Variants in FSTL4 observed in about 807,000 individuals in gnomAD.
The protein encoded by FSTL4 is follistatin-related protein 4.
Under a neutral mutation model 78.2 loss-of-function variants are expected in FSTL4, and 28 were observed. The ratio of observed to expected loss-of-function variants is 0.36; its 90% CI spans 0.27 to 0.49. The LOEUF (loss-of-function observed/expected upper bound fraction) is 0.49, where lower values mean the gene tolerates loss of function less well. Among genes scored for constraint, FSTL4 ranks in the 20% least tolerant of loss-of-function variants. FSTL4 has a pLI of 0.98. For missense variants in FSTL4, 922 were observed against 1,084.9 expected (o/e 0.85, Z 2.11); for synonymous variants, 422 against 440.5 (o/e 0.96, Z 0.53).
At chr5:133,422,724 GA>G in intron 3 of FSTL4, among the ~76,000 whole-genome samples, 1 of 152,296 alleles carries the variant, frequency 6.6e-6, no homozygotes. Context: ...AGAGTAAATA[GA>G]AAACAGTGTC....
chr5:133,454,688 G>A (rs1381081137), intron 3 of FSTL4, among the ~76,000 whole-genome samples: 8 of 152,324 alleles, frequency 5.3e-5, no homozygotes, highest in Non-Finnish European at 1.0e-4. Flanking sequence ...TGGCTGCCCC[G>A]CTCTGTGATA....
chr5:133,624,027 C>T, the FSTL4 span, among the ~76,000 whole-genome samples: 1 of 151,892 alleles, frequency 6.6e-6, no homozygotes, highest in Non-Finnish European at 1.5e-5. Context: ...ATTGTTCAGT[C>T]GTGGAAGACA....
chr5:133,774,950 T>C, the FSTL4 span, among the ~76,000 whole-genome samples: 340 of 152,000 alleles, frequency 2.2e-3, 3 homozygotes, highest in African/African-American at 7.7e-3. Context: ...TGCAATAGTC[T>C]AGAATGTATA....
intron 3 of FSTL4, among the ~76,000 whole-genome samples, chr5:133,478,400 C>CCT (rs1757962576): frequency 7.9e-5 from 12 of 152,188 alleles, no homozygotes; most frequent in Non-Finnish European, 1.6e-4. Context: ...ATAACCCACT[C>CCT]GGGTTCAGAC....
chr5:133,629,709 G>C, the FSTL4 span, among the ~76,000 whole-genome samples: 1 of 152,096 alleles, frequency 6.6e-6, no homozygotes, highest in African/African-American at 2.4e-5. Context: ...AAAATTTCAG[G>C]CCAATATCCC....
At chr5:133,751,256 T>C in the FSTL4 span, among the ~76,000 whole-genome samples, 1 of 152,202 alleles carries the variant, frequency 6.6e-6, no homozygotes, top group Non-Finnish European at 1.5e-5. Flanking sequence ...GGCCCTTGCT[T>C]CTCACTGAGA....
At chr5:133,478,389 C>T (rs992328302) in intron 3 of FSTL4, among the ~76,000 whole-genome samples, 4 of 152,234 alleles carry the variant, frequency 2.6e-5, no homozygotes, top group Non-Finnish European at 4.4e-5. Context: ...GGACTGCTTC[C>T]ATAACCCACT....
chr5:133,503,690 T>C (rs1758547134), intron 3 of FSTL4, among the ~76,000 whole-genome samples: 1 of 152,160 alleles, frequency 6.6e-6, no homozygotes. Context: ...CTCCCAAATC[T>C]CCATATTCAG....
intron 4 of FSTL4, among the ~76,000 whole-genome samples, chr5:133,375,495 T>G (rs1755414333): frequency 6.6e-6 from 1 of 151,888 alleles, no homozygotes; most frequent in African/African-American, 2.4e-5. Flanking sequence ...TAAAGACCCC[T>G]AATCAATATT....
the FSTL4 span, among the ~76,000 whole-genome samples, chr5:133,817,486 C>T: frequency 6.6e-6 from 1 of 152,152 alleles, no homozygotes; most frequent in Non-Finnish European, 1.5e-5. Context: ...CCAATATCTC[C>T]CCAAGGGCTG....
At chr5:133,207,952 C>T (rs1172614489) in intron 14 of FSTL4, 1 of 152,170 alleles carries the variant, frequency 6.6e-6, no homozygotes, top group Non-Finnish European at 1.5e-5. Context: ...CACCTGGCTC[C>T]TACTCTTTTT....
chr5:133,601,848 T>C (rs10064602), intron 2 of FSTL4, among the ~76,000 whole-genome samples: 1,738 of 151,884 alleles, frequency 0.011, 29 homozygotes, highest in African/African-American at 0.039. Flanking sequence ...CACACCCAGC[T>C]CACTTTTGTA....
intron 3 of FSTL4, among the ~76,000 whole-genome samples, chr5:133,458,528 T>C (rs1352238198): frequency 2.6e-5 from 4 of 152,230 alleles, no homozygotes; most frequent in Non-Finnish European, 5.9e-5. Flanking sequence ...ATGTATTTCA[T>C]GAGGAGAGAA....
chr5:133,811,363 A>G, the FSTL4 span, among the ~76,000 whole-genome samples: 2 of 151,976 alleles, frequency 1.3e-5, no homozygotes, highest in African/African-American at 4.8e-5. Context: ...CTTGCTCAGG[A>G]CTTGCCTCTT....
At chr5:133,531,173 T>C (rs1192666435) in intron 3 of FSTL4, among the ~76,000 whole-genome samples, 1 of 152,216 alleles carries the variant, frequency 6.6e-6, no homozygotes, top group Admixed American at 6.5e-5. Flanking sequence ...ACACGGTTTC[T>C]TTCAACATCT....
chr5:133,523,826 T>C (rs1485522961), intron 3 of FSTL4, among the ~76,000 whole-genome samples: 2 of 152,244 alleles, frequency 1.3e-5, no homozygotes, highest in African/African-American at 4.8e-5. Context: ...TGAAACACAT[T>C]TTAAAATACC....
At chr5:133,233,935 T>C (rs1210741487) in intron 7 of FSTL4, among the ~76,000 whole-genome samples, 1 of 152,180 alleles carries the variant, frequency 6.6e-6, no homozygotes, top group Non-Finnish European at 1.5e-5. Context: ...AGGCCTTGTT[T>C]AGAGCGGGGG....
intron 3 of FSTL4, among the ~76,000 whole-genome samples, chr5:133,466,314 G>A (rs915740435): frequency 2.0e-5 from 3 of 152,134 alleles, no homozygotes; most frequent in African/African-American, 4.8e-5. Flanking sequence ...AGGCCGAGGC[G>A]GGCAGATCAT....
chr5:133,354,509 C>T (rs1426672484), intron 4 of FSTL4, among the ~76,000 whole-genome samples: 3 of 152,204 alleles, frequency 2.0e-5, no homozygotes, highest in African/African-American at 7.2e-5. Context: ...AGGCCCAGGT[C>T]TCACTGAGGA....
Sources: gnomAD v4.1 joint callset for allele counts (sites outside exome capture counted in the v4.1 genomes callset) on GRCh38, gnomAD v4.1.1 for gene constraint, MANE v1.5 for transcripts, NCBI Gene and HGNC (gene_info 2026-07-23, HGNC 2026-07-21) for gene names.